KIAA1671: variants seen among roughly 807,000 people sequenced by gnomAD.
KIAA1671 encodes uncharacterized protein KIAA1671.
Under a neutral mutation model 131.2 loss-of-function variants are expected in KIAA1671, and 52 were observed. The observed-to-expected ratio is 0.40, with a 90% CI of 0.32 to 0.50. The LOEUF is 0.50. Among genes scored for constraint, KIAA1671 ranks in the 20% least tolerant of loss-of-function variants. The pLI is 0.73. For synonymous variants in KIAA1671, 1,003 were observed against 961.6 expected, an observed-to-expected ratio of 1.04 and a Z score of -0.80; for missense variants, 2,360 against 2,364.2, an observed-to-expected ratio of 1.00 and a Z score of 0.04.
intron 1 of KIAA1671, among the ~76,000 whole-genome samples, chr22:24,963,800 C>T (rs963299296): frequency 1.1e-4 from 16 of 151,822 alleles, no homozygotes; most frequent in African/African-American, 3.1e-4. Context: ...ATTAGCCGGG[C>T]GTGGTGGCAG....
intron 4 of KIAA1671, 144 bp from the exon 5 acceptor site, chr22:25,038,616 C>T (rs1926741576): frequency 6.7e-6 from 6 of 899,578 alleles, no homozygotes; most frequent in Non-Finnish European, 9.9e-6. Flanking sequence ...TCCTCACCCA[C>T]ACTGGGTGTG....
intron 6 of KIAA1671, among the ~76,000 whole-genome samples, chr22:25,132,388 G>C (rs1932481411): frequency 6.6e-6 from 1 of 152,168 alleles, no homozygotes; most frequent in African/African-American, 2.4e-5. Flanking sequence ...ACCCACTGGG[G>C]TCAGGGGGCA....
chr22:25,019,665 A>T (rs9624697), intron 1 of KIAA1671, among the ~76,000 whole-genome samples: 2 of 148,444 alleles, frequency 1.3e-5, no homozygotes, highest in African/African-American at 2.5e-5. Context: ...AACCTTTGCT[A>T]TTGTCATGAC....
chr22:25,031,467 A>T (rs1310861612), intron 3 of KIAA1671, among the ~76,000 whole-genome samples: 1 of 152,148 alleles, frequency 6.6e-6, no homozygotes, highest in East Asian at 1.9e-4. Flanking sequence ...AAGTGCTGGG[A>T]TTACAGGCGT....
chr22:25,129,638 C>T (rs1932343634), intron 6 of KIAA1671, among the ~76,000 whole-genome samples: 1 of 150,034 alleles, frequency 6.7e-6, no homozygotes, highest in African/African-American at 2.5e-5. Flanking sequence ...TCAGTTTCCT[C>T]CTCCTTTCTT....
intron 6 of KIAA1671, among the ~76,000 whole-genome samples, chr22:25,089,808 A>T (rs1568949046): frequency 6.6e-6 from 1 of 152,128 alleles, no homozygotes; most frequent in Non-Finnish European, 1.5e-5. Context: ...TGCAGTGAAC[A>T]TTGTTGTGCA....
intron 6 of KIAA1671, among the ~76,000 whole-genome samples, chr22:25,077,690 G>A (rs890989653): frequency 6.6e-6 from 1 of 152,206 alleles, no homozygotes; most frequent in Non-Finnish European, 1.5e-5. Context: ...CGTGTTCCAT[G>A]CCTTGGTCTC....
chr22:25,181,347 C>T (rs1425607441), intron 9 of KIAA1671, among the ~76,000 whole-genome samples: 1 of 152,192 alleles, frequency 6.6e-6, no homozygotes, highest in Non-Finnish European at 1.5e-5. Context: ...AACCTCGGTG[C>T]ATTGTTGGCT....
chr22:25,047,078 C>T (rs1273968576), intron 5 of KIAA1671, among the ~76,000 whole-genome samples: 3 of 151,502 alleles, frequency 2.0e-5, no homozygotes, highest in Admixed American at 1.3e-4. Context: ...TCGAGCAGTC[C>T]TCCCACCTCA....
At chr22:25,169,418 CAA>C (rs34299474) in intron 6 of KIAA1671, among the ~76,000 whole-genome samples, 90 of 118,040 alleles carry the variant, frequency 7.6e-4, no homozygotes, top group East Asian at 4.6e-3. Context: ...GACCTTGTCT[CAA>C]AAAAAAAAAA....
Position 25,038,979 on chromosome 22 carries a change from C to T in KIAA1671, c.1849C>T (p.His617Tyr). 1.3e-6 allele frequency: 2 copies of T among 1,551,742 alleles called. No individual in the cohort carries two copies. The highest frequency in any genetic ancestry group is 1.7e-6 in the Non-Finnish European group (2 of 1,147,016). Residue 617 changes from histidine (H) to tyrosine (Y), a missense_variant, in exon 5 of 13, where the codon CAC (histidine) becomes TAC (tyrosine). His to Tyr is a moderately conservative substitution (Grantham distance 83, BLOSUM62 2). This residue lies in a region of KIAA1671 where 1,185 missense variants were observed against 1,126.2 expected (regional missense o/e 1.05). Coordinates refer to ENST00000358431, the MANE Select transcript of KIAA1671 (RefSeq NM_001145206.2). ...FQTVWATVFE[H>Y]HVERHTVADQ... ...GACTGTGTGGGCCACAGTATTTGAGCACCACGTGGAGAGACACACAGTGGC... is the reference window on the plus strand; with the variant it reads ...GACTGTGTGGGCCACAGTATTTGAGTACCACGTGGAGAGACACACAGTGGC...
In KIAA1671 at chr22:25,129,523, C is replaced by A. The variant is rs1045768758; in HGVS notation, c.4531-41297C>A. Among the ~76,000 whole-genome samples the A allele has an allele frequency of 2.5e-3, 378 of 149,824 alleles. 2 individuals are homozygous for A. Among genetic ancestry groups the A allele is most frequent in the African/African-American group, 8.3e-3 (337 of 40,682 alleles). ...ACTCCATCTGAAAAAAAAAAAAAAC[C>A]CACAGATTCTGGAGCCAGAAGGCCT... On this transcript the variant is annotated intron_variant, in intron 6 of 12. Coordinates refer to ENST00000358431, the MANE Select transcript of KIAA1671 (RefSeq NM_001145206.2).
chr22:25,180,569 C>T (rs970806239), intron 9 of KIAA1671, among the ~76,000 whole-genome samples: 2 of 151,708 alleles, frequency 1.3e-5, no homozygotes, highest in African/African-American at 4.8e-5. Context: ...TTTCTTCTTG[C>T]AATGGAAACT....
chr22:25,192,177 C>G (rs1313372527), intron 12 of KIAA1671, among the ~76,000 whole-genome samples: 2 of 152,124 alleles, frequency 1.3e-5, no homozygotes, highest in African/African-American at 4.8e-5. Context: ...AGAATTGAGA[C>G]TGGAACCCTG....
intron 6 of KIAA1671, among the ~76,000 whole-genome samples, chr22:25,093,977 A>T (rs779020547): frequency 3.1e-4 from 47 of 149,470 alleles, no homozygotes; most frequent in Non-Finnish European, 6.4e-4. Context: ...AGGACTTCTC[A>T]CTTTGGGTTA....
intron 6 of KIAA1671, among the ~76,000 whole-genome samples, chr22:25,118,593 C>T (rs1302738491): frequency 6.6e-6 from 1 of 152,072 alleles, no homozygotes; most frequent in Admixed American, 6.6e-5. Context: ...ATCCAGCCAA[C>T]GTATCTTTTT....
chr22:25,013,036 C>T (rs1925119128), intron 1 of KIAA1671: 1 of 152,184 alleles, frequency 6.6e-6, no homozygotes, highest in South Asian at 2.1e-4. Context: ...GGGGTGTATC[C>T]TCTGGGTAGA....
At chr22:25,177,743 T>C (rs1176532590) in intron 9 of KIAA1671, among the ~76,000 whole-genome samples, 5 of 152,182 alleles carry the variant, frequency 3.3e-5, no homozygotes, top group Admixed American at 2.0e-4. Flanking sequence ...GATGGGTGCA[T>C]ATTACAGTAG....
intron 6 of KIAA1671, among the ~76,000 whole-genome samples, chr22:25,162,600 C>A (rs1933483603): frequency 1.3e-5 from 2 of 152,324 alleles, no homozygotes; most frequent in South Asian, 4.1e-4. Flanking sequence ...ATTTCTCCAA[C>A]AAATGTTTAT....
Sources: allele counts gnomAD v4.1 joint callset (sites outside exome capture counted in the v4.1 genomes callset), GRCh38; gene constraint gnomAD v4.1.1; regional missense constraint gnomAD v4.1.1; transcripts MANE v1.5; gene names NCBI Gene and HGNC (gene_info 2026-07-23, HGNC 2026-07-21).